The following SLC25A21 variants were observed in gnomAD, a reference collection of about 807,000 sequenced individuals.
SLC25A21 encodes mitochondrial 2-oxodicarboxylate carrier.
SLC25A21 carries 47 observed loss-of-function variants against 43.8 expected under a neutral mutation model. That is an observed-to-expected ratio of 1.07 (90% CI 0.85 to 1.37). The LOEUF is 1.37. Among genes scored for constraint, SLC25A21 ranks in the 40% most tolerant of loss-of-function variants. The pLI, the probability that SLC25A21 is intolerant of heterozygous loss-of-function variation, is 0.00. For missense variants in SLC25A21, 352 were observed against 350.2 expected, an observed-to-expected ratio of 1.00 and a Z score of -0.04; for synonymous variants, 131 against 121.3, an observed-to-expected ratio of 1.08 and a Z score of -0.52.
In SLC25A21 at chr14:37,156,640, G is replaced by C. The variant is rs554539770; in HGVS notation, c.70+15641C>G. Among the ~76,000 whole-genome samples the C allele has an allele frequency of 7.3e-5, 11 of 151,096 alleles. No individual in the cohort carries two copies. In the South Asian group the frequency reaches 2.3e-3, roughly 31 times the overall value. On this transcript the variant is annotated intron_variant, in intron 1 of 9. Transcript: ENST00000331299. ...AGCAGGAGTAGCTACAATTATATCA[G>C]CTAAAACAGGCTTTAAGTCAAGAAG... is the stretch of plus-strand genomic sequence containing the variant.
intron 1 of SLC25A21, among the ~76,000 whole-genome samples, chr14:37,080,513 T>A (rs1020217856): frequency 6.6e-6 from 1 of 152,102 alleles, no homozygotes; most frequent in African/African-American, 2.4e-5. Context: ...GGTGGGAGGA[T>A]CGCCTGAGCC....
At chr14:37,135,971 T>G (rs1053515582) in intron 1 of SLC25A21, among the ~76,000 whole-genome samples, 1 of 152,338 alleles carries the variant, frequency 6.6e-6, no homozygotes, top group East Asian at 1.9e-4. Flanking sequence ...ACTTATATAG[T>G]GATAGTTCAG....
At chr14:36,806,816 T>G (rs540192458) in intron 3 of SLC25A21, 11 of 152,436 alleles carry the variant, frequency 7.2e-5, no homozygotes, top group African/African-American at 2.6e-4. Flanking sequence ...CAACCCCTTT[T>G]TTTCTAGCTA....
intron 2 of SLC25A21, among the ~76,000 whole-genome samples, chr14:36,849,593 G>T (rs1889659029): frequency 6.6e-6 from 1 of 152,108 alleles, no homozygotes; most frequent in Non-Finnish European, 1.5e-5. Flanking sequence ...ACAAATTTCT[G>T]AATTGTCTAT....
intron 2 of SLC25A21, among the ~76,000 whole-genome samples, chr14:36,872,254 T>C (rs947479563): frequency 7.9e-5 from 12 of 152,222 alleles, no homozygotes; most frequent in African/African-American, 2.7e-4. Context: ...GTCTACTTTT[T>C]GGAGTCAAGT....
At chr14:36,712,551 A>G (rs28650334) in intron 6 of SLC25A21, among the ~76,000 whole-genome samples, 5,129 of 152,302 alleles carry the variant, frequency 0.034, 312 homozygotes, top group African/African-American at 0.12. Context: ...CTGCATTTAT[A>G]ATAGCTATGT....
intron 1 of SLC25A21, among the ~76,000 whole-genome samples, chr14:36,971,631 A>AAG (rs1221411373): frequency 6.6e-6 from 1 of 151,944 alleles, no homozygotes; most frequent in East Asian, 1.9e-4. Flanking sequence ...AAAAAGGAGA[A>AAG]AGAGAGAGAG....
intron 1 of SLC25A21, among the ~76,000 whole-genome samples, chr14:37,136,986 T>C (rs79526915): frequency 2.4e-3 from 368 of 152,270 alleles, no homozygotes; most frequent in Non-Finnish European, 4.3e-3. Context: ...GAAATCTGTA[T>C]GGCACTGACT....
intron 1 of SLC25A21, among the ~76,000 whole-genome samples, chr14:36,899,193 G>T (rs1014020823): frequency 1.3e-5 from 2 of 151,644 alleles, no homozygotes; most frequent in Non-Finnish European, 2.9e-5. Flanking sequence ...TGCTCAAGAC[G>T]ATCCACGCAA....
chr14:36,797,998 A>G (rs1887731879), intron 3 of SLC25A21, among the ~76,000 whole-genome samples: 1 of 152,210 alleles, frequency 6.6e-6, no homozygotes, highest in Non-Finnish European at 1.5e-5. Context: ...ACACACAGAA[A>G]AAGAAATGTA....
intron 2 of SLC25A21, among the ~76,000 whole-genome samples, chr14:36,834,186 C>G (rs1367829441): frequency 6.6e-6 from 1 of 152,162 alleles, no homozygotes; most frequent in Admixed American, 6.5e-5. Context: ...ACACGATTAG[C>G]AAGAAGATCA....
At chr14:36,899,794 G>A (rs1261656797) in intron 1 of SLC25A21, among the ~76,000 whole-genome samples, 1 of 152,122 alleles carries the variant, frequency 6.6e-6, no homozygotes, top group Non-Finnish European at 1.5e-5. Context: ...TTTATTTCAG[G>A]CAACTTGAAA....
intron 1 of SLC25A21, among the ~76,000 whole-genome samples, chr14:36,981,217 G>C (rs1036659198): frequency 6.6e-6 from 1 of 152,150 alleles, no homozygotes; most frequent in African/African-American, 2.4e-5. Context: ...TGGAGAAATA[G>C]GAACGCTTTT....
chr14:36,765,097 C>G (rs1215264071), intron 3 of SLC25A21, among the ~76,000 whole-genome samples: 1 of 152,206 alleles, frequency 6.6e-6, no homozygotes, highest in East Asian at 1.9e-4. Context: ...TCACTTGGCC[C>G]AGGCCTTATG....
chr14:36,891,001 C>T (rs758185896), intron 1 of SLC25A21, among the ~76,000 whole-genome samples: 2 of 152,154 alleles, frequency 1.3e-5, no homozygotes, highest in Non-Finnish European at 2.9e-5. Context: ...ATACAACTGC[C>T]TTGAAAGACT....
At chr14:36,919,847 A>G (rs756430100) in intron 1 of SLC25A21, among the ~76,000 whole-genome samples, 1 of 152,030 alleles carries the variant, frequency 6.6e-6, no homozygotes, top group Non-Finnish European at 1.5e-5. Context: ...TCACTTACTT[A>G]AAGACAAAAA....
chr14:36,751,312 A>C (rs1566572505), intron 3 of SLC25A21, among the ~76,000 whole-genome samples: 4 of 152,276 alleles, frequency 2.6e-5, no homozygotes, highest in Admixed American at 2.0e-4. Flanking sequence ...CCCTGCTGTA[A>C]AGTAAGCAGG....
intron 1 of SLC25A21, among the ~76,000 whole-genome samples, chr14:36,963,679 T>C (rs1959549188): frequency 6.6e-6 from 1 of 152,150 alleles, no homozygotes; most frequent in African/African-American, 2.4e-5. Flanking sequence ...TGCAGAGAAG[T>C]GCATCTATCC....
chr14:36,940,319 T>C (rs969233774), intron 1 of SLC25A21, among the ~76,000 whole-genome samples: 16 of 152,132 alleles, frequency 1.1e-4, no homozygotes, highest in Non-Finnish European at 4.4e-5. Flanking sequence ...TATTCCAATA[T>C]TTTAATAAAA....
Sources: gnomAD v4.1 joint callset for allele counts (sites outside exome capture counted in the v4.1 genomes callset) on GRCh38, gnomAD v4.1.1 for gene constraint, MANE v1.5 for transcripts, NCBI Gene and HGNC (gene_info 2026-07-23, HGNC 2026-07-21) for gene names.